The following TRERF1 variants were observed in gnomAD, a reference collection of about 807,000 sequenced individuals.
TRERF1 encodes transcriptional-regulating factor 1.
Under a neutral mutation model 122.9 loss-of-function variants are expected in TRERF1, and 27 were observed. The ratio of observed to expected loss-of-function variants is 0.22; its 90% CI spans 0.16 to 0.30. The LOEUF is 0.30. TRERF1 is among the 10% of genes least tolerant of loss of function. The probability of loss-of-function intolerance (pLI) is 1.00; values close to 1 mark genes in which losing one functional copy is unlikely to be tolerated. For synonymous variants in TRERF1, 636 were observed against 641.7 expected (o/e 0.99, Z 0.13); for missense variants, 1,248 against 1,560.3 (o/e 0.80, Z 3.37).
rs570209268 is a variant in TRERF1, at chr6:42,275,452, G to C, written c.-258-5604C>G. 6.6e-6 allele frequency among the ~76,000 whole-genome samples: 1 copy of C among 152,334 alleles called. No individual in the cohort carries two copies. Among genetic ancestry groups the C allele is most frequent in the South Asian group, 2.1e-4 (1 of 4,820 alleles). On this transcript the variant is annotated intron_variant, in intron 4 of 17. Coordinates refer to ENST00000372922, the Ensembl canonical transcript of TRERF1. This position sits in a 1 kb window ranked among gnomAD's most constrained non-coding sequence, Gnocchi z 4.1. ...CCACGCTCCCACAGAGCCTGTGACC[G>C]CTTTTCCTCTGCACTGACCATGTCA...
intron 3 of TRERF1, among the ~76,000 whole-genome samples, chr6:42,325,014 T>C (rs1338468113): frequency 6.6e-6 from 1 of 151,332 alleles, no homozygotes; most frequent in African/African-American, 2.4e-5. Flanking sequence ...CTGACAAAGG[T>C]CTAATATCCA....
chr6:42,402,433 C>T (rs545218795), intron 2 of TRERF1, among the ~76,000 whole-genome samples: 1 of 152,264 alleles, frequency 6.6e-6, no homozygotes, highest in African/African-American at 2.4e-5. Flanking sequence ...GTGAGCCTGA[C>T]TAAAACTGAG....
chr6:42,290,369 C>T (rs1784095605), intron 4 of TRERF1, among the ~76,000 whole-genome samples: 1 of 152,184 alleles, frequency 6.6e-6, no homozygotes, highest in South Asian at 2.1e-4. Context: ...CACCTCAATT[C>T]ACAACAGAAG....
intron 2 of TRERF1, among the ~76,000 whole-genome samples, chr6:42,414,437 C>T (rs940794232): frequency 6.6e-6 from 1 of 152,140 alleles, no homozygotes; most frequent in East Asian, 1.9e-4. Context: ...AACATGATAT[C>T]GTTTTGTGCG....
chr6:42,343,873 A>G (rs1462360750), intron 3 of TRERF1, among the ~76,000 whole-genome samples: 2 of 152,200 alleles, frequency 1.3e-5, no homozygotes, highest in East Asian at 3.8e-4. Context: ...CTACAGTGCT[A>G]AGAGGGTAGG....
At chr6:42,340,792 G>A (rs1268132528) in intron 3 of TRERF1, among the ~76,000 whole-genome samples, 2 of 152,146 alleles carry the variant, frequency 1.3e-5, no homozygotes, top group Admixed American at 6.5e-5. Context: ...TTCTCAGATC[G>A]CAGTAAATTA....
intron 8 of TRERF1, among the ~76,000 whole-genome samples, chr6:42,260,238 G>C (rs1159290469): frequency 6.6e-6 from 1 of 151,882 alleles, no homozygotes; most frequent in Non-Finnish European, 1.5e-5. Context: ...GGCTCTCCTG[G>C]GTCACTTTCA....
rs200484253 is a variant in TRERF1 at position 42,286,477 on chromosome 6, C to T, written c.-259+14161G>A. Among the ~76,000 whole-genome samples the T allele has an allele frequency of 2.9e-4, 41 of 141,978 alleles. No individual in the cohort carries two copies. In the East Asian group the frequency reaches 5.3e-3, roughly 18 times the overall value. 93.1% of individuals were successfully genotyped at this position (141,978 alleles called of 152,430 possible). On this transcript the variant is annotated intron_variant, in intron 4 of 17. Coordinates refer to ENST00000372922, the Ensembl canonical transcript of TRERF1. ...ACAAACAACCCCATCAAAAAGTGGGCGAAGGACATGAACAGACACTTCTCA... is the reference window on the plus strand; with the variant it reads ...ACAAACAACCCCATCAAAAAGTGGGTGAAGGACATGAACAGACACTTCTCA...
rs1554152172 is a variant in TRERF1 at position 42,299,116 on chromosome 6, C to CCGTCTCTATCTATCTATCTATCTATCTA, written c.-259+1521_-259+1522insTAGATAGATAGATAGATAGATAGAGACG. 1.1e-3 allele frequency among the ~76,000 whole-genome samples: 162 copies of CCGTCTCTATCTATCTATCTATCTATCTA among 141,786 alleles called. 1 individual carries two copies. The highest frequency in any genetic ancestry group is 4.1e-3 in the African/African-American group (152 of 37,484). The allele number at this position is 141,786 out of a possible 152,430, so 93.0% of individuals were successfully genotyped here. The stretch of plus-strand genomic sequence containing the variant: ...TCTATCTGTCTGTCTGTCTGTCTGT[C>CCGTCTCTATCTATCTATCTATCTATCTA]TCTATCTATCTATCTATCTACATAT... On this transcript the variant is annotated intron_variant, in intron 4 of 17. Transcript: ENST00000372922.
At chr6:42,415,035 T>A (rs2151491078) in intron 2 of TRERF1, among the ~76,000 whole-genome samples, 1 of 152,350 alleles carries the variant, frequency 6.6e-6, no homozygotes, top group Middle Eastern at 3.4e-3. Flanking sequence ...TGAAAGTAAT[T>A]TTTCTTTACA....
At chr6:42,405,803 A>C (rs796212549) in intron 2 of TRERF1, among the ~76,000 whole-genome samples, 1 of 150,864 alleles carries the variant, frequency 6.6e-6, no homozygotes, top group Non-Finnish European at 1.5e-5. Context: ...TCAAAAAAAA[A>C]AAAATTAAAA....
chr6:42,322,652 G>T (rs1215689714), intron 3 of TRERF1, among the ~76,000 whole-genome samples: 1 of 152,050 alleles, frequency 6.6e-6, no homozygotes, highest in African/African-American at 2.4e-5. Context: ...GGAGGATTAA[G>T]GCAACCAGCA....
chr6:42,234,147 G>A (rs1461678857), intron 16 of TRERF1, among the ~76,000 whole-genome samples: 1 of 152,056 alleles, frequency 6.6e-6, no homozygotes, highest in Non-Finnish European at 1.5e-5. Context: ...ACTGCCAAAT[G>A]TTCTTGGGGA....
intron 2 of TRERF1, among the ~76,000 whole-genome samples, chr6:42,426,042 G>A (rs1021229033): frequency 1.3e-5 from 2 of 152,056 alleles, no homozygotes; most frequent in African/African-American, 4.8e-5. Context: ...CACTTCCCTG[G>A]CTGCAAGATG....
At chr6:42,243,310 T>C (rs1398318468) in exon 15 of TRERF1, 1 of 1,614,170 alleles carries the variant, frequency 6.2e-7, no homozygotes. Flanking sequence ...CGCATGATCT[T>C]TTTCCACGTG....
rs184991454 is a variant in TRERF1 at position 42,270,935 on chromosome 6, A to T, written c.-258-1087T>A. Among the ~76,000 whole-genome samples the T allele has an allele frequency of 6.5e-4, 99 of 151,788 alleles. 1 individual carries two copies. The East Asian group carries it at 0.013, about 20-fold the overall frequency. ...CTACAGGTGCCCGCCGCCAAGCCCA[A>T]ATTTTGTATTTTTAGTAGAGACAGG... On this transcript the variant is annotated intron_variant, in intron 4 of 17. Transcript: ENST00000372922.
chr6:42,315,020 C>A (rs1051533776), intron 3 of TRERF1, among the ~76,000 whole-genome samples: 1 of 152,134 alleles, frequency 6.6e-6, no homozygotes, highest in South Asian at 2.1e-4. Flanking sequence ...GAGGAGAGAA[C>A]GTTCACAGCA....
At chr6:42,445,978 G>A (rs1431056737) in intron 2 of TRERF1, among the ~76,000 whole-genome samples, 1 of 152,188 alleles carries the variant, frequency 6.6e-6, no homozygotes, top group African/African-American at 2.4e-5. Flanking sequence ...GCAGTGGCAC[G>A]ATCTCCACTC....
intron 2 of TRERF1, among the ~76,000 whole-genome samples, chr6:42,447,186 C>T (rs892476379): frequency 3.3e-5 from 5 of 152,150 alleles, no homozygotes; most frequent in African/African-American, 4.8e-5. Flanking sequence ...CATCGTCTTC[C>T]ATGATGAAAG....
Sources: gnomAD v4.1 joint callset for allele counts (sites outside exome capture counted in the v4.1 genomes callset) on GRCh38, gnomAD v4.1.1 for gene constraint, Gnocchi (gnomAD v3.1) non-coding constraint, MANE v1.5 for transcripts, NCBI Gene and HGNC (gene_info 2026-07-23, HGNC 2026-07-21) for gene names.